The following KCNK10 variants were observed in gnomAD, a reference collection of about 807,000 sequenced individuals.
The protein encoded by KCNK10 is potassium channel subfamily K member 10.
In KCNK10, 25 loss-of-function variants were observed where a neutral mutation model predicts 47.7. The observed-to-expected ratio is 0.52, with a 90% CI of 0.38 to 0.73. The LOEUF (loss-of-function observed/expected upper bound fraction) is 0.73. KCNK10 is among the 30% of genes least tolerant of loss of function. The pLI is 0.00. For synonymous variants in KCNK10, 303 were observed against 285.6 expected (o/e 1.06, Z -0.61); for missense variants, 563 against 714.5 (o/e 0.79, Z 2.42).
chr14:88,227,872 C>T (rs1358804664), intron 3 of KCNK10, among the ~76,000 whole-genome samples: 2 of 152,290 alleles, frequency 1.3e-5, no homozygotes, highest in East Asian at 1.9e-4. Context: ...GACCTGAATG[C>T]GTGGGAAGGA....
At chr14:88,300,103 C>T (rs1888063529) in intron 1 of KCNK10, among the ~76,000 whole-genome samples, 1 of 152,194 alleles carries the variant, frequency 6.6e-6, no homozygotes, top group Non-Finnish European at 1.5e-5. Context: ...CCCTAATTCT[C>T]TTTGCCGATT....
At chr14:88,236,221 G>A (rs1431353959) in intron 3 of KCNK10, among the ~76,000 whole-genome samples, 1 of 151,926 alleles carries the variant, frequency 6.6e-6, no homozygotes, top group Non-Finnish European at 1.5e-5. Flanking sequence ...GGAGGCTGAA[G>A]CCAAAAGATC....
At chr14:88,249,408 C>A (rs947193397) in intron 2 of KCNK10, among the ~76,000 whole-genome samples, 1 of 152,158 alleles carries the variant, frequency 6.6e-6, no homozygotes, top group African/African-American at 2.4e-5. Context: ...AAAGGACAAC[C>A]AGGAGGTAAT....
At chr14:88,284,630 A>C (rs1468656374) in intron 1 of KCNK10, among the ~76,000 whole-genome samples, 1 of 152,116 alleles carries the variant, frequency 6.6e-6, no homozygotes, top group Non-Finnish European at 1.5e-5. Context: ...AGAAAGATGA[A>C]AGCTGGAAGA....
At chr14:88,283,702 G>A (rs1036630608) in intron 1 of KCNK10, among the ~76,000 whole-genome samples, 2 of 152,216 alleles carry the variant, frequency 1.3e-5, no homozygotes, top group African/African-American at 2.4e-5. Flanking sequence ...ACGAGGTCAA[G>A]AGATCGAGAC....
intron 1 of KCNK10, among the ~76,000 whole-genome samples, chr14:88,307,827 C>G (rs1383093369): frequency 6.6e-6 from 1 of 152,164 alleles, no homozygotes; most frequent in African/African-American, 2.4e-5. Flanking sequence ...AGACCCTCAG[C>G]AAATGGGTGT....
chr14:88,241,319 G>C (rs997790536), intron 2 of KCNK10, among the ~76,000 whole-genome samples: 6 of 152,190 alleles, frequency 3.9e-5, no homozygotes, highest in Admixed American at 3.3e-4. Context: ...CAAGTTGTTT[G>C]AACCTCTCTG....
intron 1 of KCNK10, among the ~76,000 whole-genome samples, chr14:88,310,515 T>C (rs1462909265): frequency 1.3e-5 from 2 of 152,104 alleles, no homozygotes; most frequent in East Asian, 3.9e-4. Flanking sequence ...GGAGAGGGAC[T>C]TTATAGGGCT....
chr14:88,326,361 C>A (rs1888662562), upstream of KCNK10: 3 of 1,487,326 alleles, frequency 2.0e-6, no homozygotes, highest in Admixed American at 3.4e-5. Flanking sequence ...CTACTGCAAT[C>A]CCCCTCCATC....
intron 2 of KCNK10, among the ~76,000 whole-genome samples, chr14:88,247,396 G>A (rs1343911132): frequency 6.6e-6 from 1 of 152,086 alleles, no homozygotes; most frequent in East Asian, 1.9e-4. Flanking sequence ...CCACCTCAGA[G>A]TCCCTCATAA....
In KCNK10 at chr14:88,180,542, G is replaced by C; in HGVS notation, c.*4993C>G. 5.7e-6 allele frequency: 2 copies of C among 353,092 alleles called. No individual in the cohort carries two copies. Among genetic ancestry groups the C allele is most frequent in the Non-Finnish European group, 1.0e-5 (2 of 197,960 alleles). The allele number at this position is 353,092 out of a possible 1,614,324, so 21.9% of individuals were successfully genotyped here. ...GCAGCATAGGTCTGCTGAATCGACG[G>C]AGCAGGAGTCCTCTCAAAATAATTT... is the stretch of plus-strand genomic sequence containing the variant. On this transcript the variant is annotated 3_prime_UTR_variant, in exon 7 of 7. Transcript: ENST00000319231.
chr14:88,245,755 C>T (rs1000723258), intron 2 of KCNK10, among the ~76,000 whole-genome samples: 16 of 152,210 alleles, frequency 1.1e-4, no homozygotes, highest in African/African-American at 3.9e-4. Context: ...CAGATTCGTG[C>T]TTTATGCATG....
intron 2 of KCNK10, among the ~76,000 whole-genome samples, chr14:88,243,869 A>G (rs996027632): frequency 6.6e-6 from 1 of 151,012 alleles, no homozygotes; most frequent in Non-Finnish European, 1.5e-5. Context: ...CTAGTATCCA[A>G]TTTCAGCTGG....
At position 88,186,042 on chromosome 14, in the gene KCNK10, G is replaced by A; in HGVS notation, c.1125C>T (p.Ala375=). 1 of 1,613,438 alleles carries A rather than the reference G, an allele frequency of 6.2e-7. No homozygotes were observed. The highest frequency in any genetic ancestry group is 1.1e-5 in the South Asian group (1 of 91,038). Reference sequence around the variant, plus strand: ...GCCGGCGCTCCATGCTGCGGATGGTGGCCGCCCGCTGCAGCTTATCGTGGA... The same window carrying A: ...GCCGGCGCTCCATGCTGCGGATGGTAGCCGCCCGCTGCAGCTTATCGTGGA... ...VEIHDKLQRA[A]TIRSMERRRL... Residue 375 remains alanine (A), a synonymous_variant, in exon 7 of 7, where the codon GCC becomes GCT. Coordinates refer to ENST00000319231, the MANE Select transcript of KCNK10 (RefSeq NM_138317.3). The surrounding 1 kb of genome is among the most constrained non-coding windows in gnomAD (Gnocchi z 5.5).
At chr14:88,216,061 G>A (rs1169855402) in intron 4 of KCNK10, among the ~76,000 whole-genome samples, 4 of 152,158 alleles carry the variant, frequency 2.6e-5, no homozygotes, top group African/African-American at 7.2e-5. Context: ...GCCTAGTGAA[G>A]AATAATAGCA....
At chr14:88,276,463 G>C (rs551858337) in intron 1 of KCNK10, among the ~76,000 whole-genome samples, 39 of 152,172 alleles carry the variant, frequency 2.6e-4, no homozygotes, top group Non-Finnish European at 3.8e-4. Flanking sequence ...GTAGCCCTAA[G>C]GCACACTAAG....
Position 88,271,657 on chromosome 14 carries a change from G to C in KCNK10, c.53-8106C>G, listed in dbSNP as rs1468581477. Among the ~76,000 whole-genome samples the C allele has an allele frequency of 2.6e-5, 4 of 152,232 alleles. No homozygotes were observed. In the East Asian group the frequency reaches 5.8e-4, roughly 22 times the overall value. On this transcript the variant is annotated intron_variant, in intron 1 of 6. Transcript: ENST00000319231. ...TATTGAATGGCATGAGTCACACTTGGTGAGTCCCCTCTCTGGTGGAAGACA... is the reference window on the plus strand; with the variant it reads ...TATTGAATGGCATGAGTCACACTTGCTGAGTCCCCTCTCTGGTGGAAGACA...
intron 2 of KCNK10, among the ~76,000 whole-genome samples, chr14:88,252,819 A>G (rs1886837685): frequency 6.6e-6 from 1 of 152,186 alleles, no homozygotes; most frequent in South Asian, 2.1e-4. Flanking sequence ...AAAGGTTACA[A>G]ATACAGGAAG....
chr14:88,201,827 C>G (rs915741204), intron 4 of KCNK10, among the ~76,000 whole-genome samples: 1 of 152,070 alleles, frequency 6.6e-6, no homozygotes, highest in South Asian at 2.1e-4. Flanking sequence ...TAGACTATTA[C>G]CTTTCATGAA....
Sources: allele counts gnomAD v4.1 joint callset (sites outside exome capture counted in the v4.1 genomes callset), GRCh38; gene constraint gnomAD v4.1.1; non-coding constraint Gnocchi (gnomAD v3.1); transcripts MANE v1.5; gene names NCBI Gene and HGNC (gene_info 2026-07-23, HGNC 2026-07-21).